Variants in ACOX3 observed in about 807,000 individuals in gnomAD.
ACOX3 encodes the protein peroxisomal acyl-coenzyme A oxidase 3.
Under a neutral mutation model 81.5 loss-of-function variants are expected in ACOX3, and 73 were observed. The observed-to-expected ratio is 0.90, with a 90% CI of 0.74 to 1.09. ACOX3 has a LOEUF of 1.09. Among genes scored for constraint, ACOX3 ranks in the 50% least tolerant of loss-of-function variants. The pLI, the probability that ACOX3 is intolerant of heterozygous loss-of-function variation, is 0.00. For missense variants in ACOX3, 947 were observed against 928.0 expected, an observed-to-expected ratio of 1.02 and a Z score of -0.27; for synonymous variants, 387 against 375.1, an observed-to-expected ratio of 1.03 and a Z score of -0.37.
Position 8,405,259 on chromosome 4 carries a change from T to C in ACOX3, c.776+696A>G, listed in dbSNP as rs1002535360. Among the ~76,000 whole-genome samples the C allele has an allele frequency of 8.5e-5, 13 of 152,076 alleles. No individual in the cohort carries two copies. On this transcript the variant is annotated intron_variant, in intron 7 of 17. Transcript: ENST00000356406. This position sits in a 1 kb window ranked among gnomAD's most constrained non-coding sequence, Gnocchi z 7.1. ...CCAGCACAGGCCTGGGCCTGACACTTCCCACTGCTTCCTCCACCTGAAACG... is the reference window on the plus strand; with the variant it reads ...CCAGCACAGGCCTGGGCCTGACACTCCCCACTGCTTCCTCCACCTGAAACG...
rs1436713532 is a variant in ACOX3, at chr4:8,399,540, C to A, written c.873+16G>T. 1 of 1,600,382 alleles carries A rather than the reference C, an allele frequency of 6.2e-7. No individual in the cohort carries two copies. Among genetic ancestry groups the A allele is most frequent in the Admixed American group, 1.7e-5 (1 of 59,854 alleles). ...CCTGGGAAGCACGGCACACGAACGG[C>A]CCCCCATGCCTGTACCTTAAAGGGG... On this transcript the variant is annotated intron_variant, in intron 8 of 17. Transcript: ENST00000356406. The surrounding 1 kb of genome is among the most constrained non-coding windows in gnomAD (Gnocchi z 4.9).
In ACOX3 at chr4:8,373,209, G is replaced by A. The variant is rs1000199904; in HGVS notation, c.1896+352C>T. ...CCTGGGTGTGTGCAGATCTGGAGACGCCCCGACAGGTTTCTTTTGCAAAAA... is the reference window on the plus strand; with the variant it reads ...CCTGGGTGTGTGCAGATCTGGAGACACCCCGACAGGTTTCTTTTGCAAAAA... On this transcript the variant is annotated intron_variant, in intron 16 of 17. Transcript: ENST00000356406. Among the ~76,000 whole-genome samples the A allele has an allele frequency of 4.5e-4, 68 of 152,106 alleles. 1 individual carries two copies. Among genetic ancestry groups the A allele is most frequent in the African/African-American group, 1.4e-3 (60 of 41,442 alleles).
intron 9 of ACOX3, among the ~76,000 whole-genome samples, chr4:8,395,088 G>A (rs773276689): frequency 3.3e-5 from 5 of 152,282 alleles, no homozygotes; most frequent in East Asian, 1.9e-4. Flanking sequence ...CCCGGCACAC[G>A]GACTGACTGG....
intron 16 of ACOX3, 72 bp from the exon 17 acceptor site, chr4:8,371,066 C>T (rs1487738459): frequency 1.0e-5 from 15 of 1,462,516 alleles, no homozygotes; most frequent in East Asian, 6.9e-5. Flanking sequence ...ATAACAGCCC[C>T]GTGTGTGGTT....
At position 8,423,901 on chromosome 4, in the gene ACOX3, T is replaced by G. The variant is rs1268460339; in HGVS notation, c.-14-7366A>C. Among the ~76,000 whole-genome samples the G allele has an allele frequency of 2.0e-5, 3 of 152,240 alleles. No homozygotes were observed. The highest frequency in any genetic ancestry group is 2.9e-5 in the Non-Finnish European group (2 of 68,040). On this transcript the variant is annotated intron_variant, in intron 1 of 17. Transcript: ENST00000356406. The surrounding 1 kb of genome is among the most constrained non-coding windows in gnomAD (Gnocchi z 4.2). The stretch of plus-strand genomic sequence containing the variant: ...CCGAGACTTGAGCCAGTTCTCATAC[T>G]TGGGCACTCTTGTCCTTCGGTATGC...
At position 8,375,962 on chromosome 4, in the gene ACOX3, G is replaced by A. The variant is rs79071267; in HGVS notation, c.1654-810C>T. 8.2e-3 allele frequency among the ~76,000 whole-genome samples: 1,248 copies of A among 152,292 alleles called. 20 individuals carry two copies. Among genetic ancestry groups the A allele is most frequent in the African/African-American group, 0.028 (1,184 of 41,554 alleles). On this transcript the variant is annotated intron_variant, in intron 14 of 17. Coordinates refer to ENST00000356406, the MANE Select transcript of ACOX3 (RefSeq NM_003501.3). ...TCACATTTTTGCTATTGTGAATAGC[G>A]CTGCGATGGACATACAGGTACATGT...
chr4:8,420,915 T>C lies in ACOX3; in HGVS notation c.-14-4380A>G, dbSNP rs180993279. ...GGCTAAGTGCCTGGGTTCGTCCTAA[T>C]TGAGCTGAACACTAGTCCCTGGGTT... On this transcript the variant is annotated intron_variant, in intron 1 of 17. Coordinates refer to ENST00000356406, the MANE Select transcript of ACOX3 (RefSeq NM_003501.3). Among the ~76,000 whole-genome samples, 7 of 152,304 alleles carry C rather than the reference T, an allele frequency of 4.6e-5. No individual in the cohort carries two copies. The East Asian group carries it at 7.7e-4, about 17-fold the overall frequency.
chr4:8,395,249 G>C lies in ACOX3; in HGVS notation c.1057-507C>G, dbSNP rs547215101. ...GATAGGGTCCACCTATTGTTGGATG[G>C]GGGGGTGGGTGGGTGGGTGGATGGA... On this transcript the variant is annotated intron_variant, in intron 9 of 17. Transcript: ENST00000356406. Among the ~76,000 whole-genome samples, 655 of 145,844 alleles carry C rather than the reference G, an allele frequency of 4.5e-3. 4 individuals are homozygous for C. The highest frequency in any genetic ancestry group is 6.2e-3 in the Non-Finnish European group (408 of 66,264).
Position 8,392,644 on chromosome 4 carries a change from T to G in ACOX3, c.1180-191A>C, listed in dbSNP as rs373091922. ...TCTTTATCCAAGTATGGATACACTG[T>G]GGTACGCTCATACCATTTCACAACA... On this transcript the variant is annotated intron_variant, in intron 10 of 17. Transcript: ENST00000356406. Among the ~76,000 whole-genome samples the G allele has an allele frequency of 1.3e-4, 20 of 152,368 alleles. No homozygotes were observed. In the South Asian group the frequency reaches 4.1e-3, roughly 32 times the overall value.
chr4:8,415,844 A>T lies in ACOX3; in HGVS notation c.300T>A (p.Pro100=). 2 of 1,614,172 alleles carry T rather than the reference A, an allele frequency of 1.2e-6. No homozygotes were observed. Among genetic ancestry groups the T allele is most frequent in the South Asian group, 2.2e-5 (2 of 91,086 alleles). Residue 100 remains proline, a synonymous_variant, in exon 3 of 18, where the codon CCT becomes CCA. Transcript: ENST00000356406. ...FLSVEDMFKS[P]LKVPALIQCL... is the part of the protein sequence containing the mutation. Reference sequence around the variant, plus strand: ...ACTGAATCAAGGCGGGGACCTTCAGAGGGCTCTTGAACATGTCTTCGACAC... The same window carrying T: ...ACTGAATCAAGGCGGGGACCTTCAGTGGGCTCTTGAACATGTCTTCGACAC...
At chr4:8,429,782 G>A (rs1687361216) in intron 1 of ACOX3, among the ~76,000 whole-genome samples, 1 of 152,184 alleles carries the variant, frequency 6.6e-6, no homozygotes, top group Admixed American at 6.5e-5. Flanking sequence ...AAAGAACAAG[G>A]AAGAGCCAGG....
At position 8,415,755 on chromosome 4, in the gene ACOX3, C is replaced by T. The variant is rs146248344; in HGVS notation, c.378+11G>A. On this transcript the variant is annotated intron_variant, in intron 3 of 17. Coordinates refer to ENST00000356406, the MANE Select transcript of ACOX3 (RefSeq NM_003501.3). ...AAAGCCGTTTCCCTCTCCCCTAGGC[C>T]GCATGCTCACCAAGCTATGGAGGAG... is the stretch of plus-strand genomic sequence containing the variant. The T allele has an allele frequency of 1.6e-3, 2,607 of 1,612,156 alleles. 40 individuals carry two copies. Among genetic ancestry groups the T allele is most frequent in the South Asian group, 0.015 (1,348 of 90,996 alleles).
At position 8,416,440 on chromosome 4, in the gene ACOX3, C is replaced by T. The variant is rs757112621; in HGVS notation, c.82G>A (p.Ala28Thr). ...GCCAGCTCCTTCCAGCTGAAGGACG[C>T]TCTTGCTCGGTAGGCATCGAGGGGC... ...RGPLDAYRAR[A>T]SFSWKELALF... Residue 28 changes from alanine (A) to threonine (T), a missense_variant, in exon 2 of 18, where the codon GCG becomes ACG. Coordinates refer to ENST00000356406, the MANE Select transcript of ACOX3 (RefSeq NM_003501.3). The surrounding 1 kb of genome is among the most constrained non-coding windows in gnomAD (Gnocchi z 4.2). The T allele has an allele frequency of 6.2e-7, 1 of 1,614,198 alleles. No individual in the cohort carries two copies. Among genetic ancestry groups the T allele is most frequent in the South Asian group, 1.1e-5 (1 of 91,082 alleles).
chr4:8,402,077 G>A (rs549376452), intron 7 of ACOX3, among the ~76,000 whole-genome samples: 1 of 152,376 alleles, frequency 6.6e-6, no homozygotes, highest in South Asian at 2.1e-4. Context: ...AACAAGTCAG[G>A]TGGGGCAGAC....
chr4:8,394,509 T>G lies in ACOX3; in HGVS notation c.1179+111A>C. On this transcript the variant is annotated intron_variant, in intron 10 of 17. Transcript: ENST00000356406. This position sits in a 1 kb window ranked among gnomAD's most constrained non-coding sequence, Gnocchi z 5.9. ...GGTGGGAACAACTGGAGGAATGCTCTGTCCTCGCAAATCAAAGGACTGATT... is the reference window on the plus strand; with the variant it reads ...GGTGGGAACAACTGGAGGAATGCTCGGTCCTCGCAAATCAAAGGACTGATT... 2.0e-6 allele frequency: 3 copies of G among 1,468,930 alleles called. No individual in the cohort carries two copies. In the South Asian group the frequency reaches 3.9e-5, roughly 19 times the overall value. 91.0% of individuals were successfully genotyped at this position (1,468,930 alleles called of 1,614,324 possible).
chr4:8,418,279 C>T (rs1722550663), intron 1 of ACOX3, among the ~76,000 whole-genome samples: 1 of 152,008 alleles, frequency 6.6e-6, no homozygotes, highest in African/African-American at 2.4e-5. Context: ...ATTTTATAAA[C>T]TGAATCCAGC....
In ACOX3 at chr4:8,415,879, C is replaced by G. The variant is rs1212345691; in HGVS notation, c.265G>C (p.Asp89His). 1 of 1,614,078 alleles carries G rather than the reference C, an allele frequency of 6.2e-7. No homozygotes were observed. Among genetic ancestry groups the G allele is most frequent in the African/African-American group, 1.3e-5 (1 of 74,918 alleles). ...FLRCKRIFEY[D>H]FLSVEDMFKS... ...AACATGTCTTCGACACTGAGGAAGT[C>G]ATACTCGAAGATCCGCTTGCATCGA... is the stretch of plus-strand genomic sequence containing the variant. Residue 89 changes from aspartate to histidine, a missense_variant, in exon 3 of 18, where the codon GAC becomes CAC. By Grantham distance (81) the Asp-to-His change is moderately conservative (BLOSUM62 -1). Coordinates refer to ENST00000356406, the MANE Select transcript of ACOX3 (RefSeq NM_003501.3).
At chr4:8,412,920 T>C (rs1424180251) in intron 5 of ACOX3, among the ~76,000 whole-genome samples, 1 of 148,678 alleles carries the variant, frequency 6.7e-6, no homozygotes, top group African/African-American at 2.5e-5. Context: ...GGCATCCATC[T>C]GTGGCCCATC....
Position 8,381,806 on chromosome 4 carries a change from T to A in ACOX3, c.1538-199A>T, listed in dbSNP as rs751396026. ...GGAGGGCACCTGCCCAGGGCCCCCCTGGCTGGAGGCACTTCCTGGCTCAGC... is the reference window on the plus strand; with the variant it reads ...GGAGGGCACCTGCCCAGGGCCCCCCAGGCTGGAGGCACTTCCTGGCTCAGC... On this transcript the variant is annotated intron_variant, in intron 13 of 17. Transcript: ENST00000356406. This position sits in a 1 kb window ranked among gnomAD's most constrained non-coding sequence, Gnocchi z 4.3. Among the ~76,000 whole-genome samples the A allele has an allele frequency of 1.3e-5, 2 of 152,214 alleles. No individual in the cohort carries two copies. The highest frequency in any genetic ancestry group is 2.4e-5 in the African/African-American group (1 of 41,466).
Sources: allele counts gnomAD v4.1 joint callset (sites outside exome capture counted in the v4.1 genomes callset), GRCh38; gene constraint gnomAD v4.1.1; non-coding constraint Gnocchi (gnomAD v3.1); transcripts MANE v1.5; gene names NCBI Gene and HGNC (gene_info 2026-07-23, HGNC 2026-07-21).